CCDC138: variants seen among roughly 807,000 people sequenced by gnomAD.
CCDC138 encodes coiled-coil domain containing 138, also known as coiled-coil domain-containing protein 138.
CCDC138 carries 66 observed loss-of-function variants against 82.3 expected under a neutral mutation model. The ratio of observed to expected loss-of-function variants is 0.80; its 90% CI spans 0.66 to 0.98. CCDC138 has a LOEUF of 0.98. Ranked by LOEUF, CCDC138 falls within the 50% of genes least tolerant of loss-of-function variation. The pLI, the probability that CCDC138 is intolerant of heterozygous loss-of-function variation, is 0.00. For missense variants in CCDC138, 816 were observed against 758.9 expected (o/e 1.08, Z -0.88); for synonymous variants, 297 against 265.4 (o/e 1.12, Z -1.16).
chr2:108,858,569 G>A (rs1002098770), intron 13 of CCDC138, among the ~76,000 whole-genome samples: 4 of 152,094 alleles, frequency 2.6e-5, no homozygotes, highest in African/African-American at 7.2e-5. Context: ...CAGCCAGTAC[G>A]ATTTATTAGA....
chr2:108,828,970 T>A (rs200143423), intron 10 of CCDC138, among the ~76,000 whole-genome samples: 1 of 151,890 alleles, frequency 6.6e-6, no homozygotes, highest in East Asian at 1.9e-4. Context: ...AGTGTGAGAC[T>A]CCCTCTCAAA....
intron 12 of CCDC138, among the ~76,000 whole-genome samples, chr2:108,853,983 A>AAAT (rs1692106002): frequency 2.1e-4 from 2 of 9,442 alleles, no homozygotes; most frequent in African/African-American, 3.6e-4. Context: ...TATAATATAT[A>AAAT]ATATATAATA....
At chr2:108,854,111 A>G (rs114034642) in intron 12 of CCDC138, among the ~76,000 whole-genome samples, 1,635 of 135,174 alleles carry the variant, frequency 0.012, 33 homozygotes, top group African/African-American at 0.043. Flanking sequence ...TAATAAATAT[A>G]TATAATATAT....
intron 10 of CCDC138, among the ~76,000 whole-genome samples, chr2:108,832,981 C>G (rs1375800589): frequency 6.6e-6 from 1 of 152,134 alleles, no homozygotes; most frequent in African/African-American, 2.4e-5. Flanking sequence ...ATGGAGACAC[C>G]TTAAATGCAC....
chr2:108,823,122 C>G (rs1203834505), intron 10 of CCDC138, among the ~76,000 whole-genome samples: 3 of 152,110 alleles, frequency 2.0e-5, no homozygotes, highest in East Asian at 3.8e-4. Flanking sequence ...TCTGAAAAGT[C>G]CAATGATTAG....
intron 12 of CCDC138, among the ~76,000 whole-genome samples, chr2:108,850,385 A>G (rs1476282786): frequency 2.6e-5 from 4 of 152,172 alleles, no homozygotes; most frequent in Admixed American, 2.0e-4. Context: ...GATAATACCT[A>G]GTTATATTGA....
intron 5 of CCDC138, among the ~76,000 whole-genome samples, chr2:108,796,903 A>T (rs1302801678): frequency 6.6e-6 from 1 of 152,236 alleles, no homozygotes; most frequent in Non-Finnish European, 1.5e-5. Flanking sequence ...AGTATTTACT[A>T]GTACAATAGG....
chr2:108,805,451 C>T (rs948644915), intron 7 of CCDC138, among the ~76,000 whole-genome samples: 6 of 152,170 alleles, frequency 3.9e-5, no homozygotes, highest in Admixed American at 1.3e-4. Flanking sequence ...GCAGGCCAGG[C>T]GCGGTGGCTC....
intron 2 of CCDC138, chr2:108,882,934 G>A (rs1011531094): frequency 4.6e-5 from 7 of 151,886 alleles, no homozygotes; most frequent in African/African-American, 1.7e-4. Flanking sequence ...TTATATAGGA[G>A]CATCGAGATT....
At chr2:108,805,919 G>T (rs1387261560) in intron 7 of CCDC138, among the ~76,000 whole-genome samples, 1 of 152,094 alleles carries the variant, frequency 6.6e-6, no homozygotes, top group Non-Finnish European at 1.5e-5. Context: ...AGTAGATGTT[G>T]GAGCAGAAAT....
intron 11 of CCDC138, among the ~76,000 whole-genome samples, chr2:108,839,869 T>C (rs1689174029): frequency 1.3e-5 from 2 of 152,138 alleles, no homozygotes; most frequent in South Asian, 4.1e-4. Context: ...TTCCTTTTCC[T>C]ACCTTATTGC....
chr2:108,809,368 T>C (rs915094743), intron 7 of CCDC138, among the ~76,000 whole-genome samples: 1 of 152,154 alleles, frequency 6.6e-6, no homozygotes, highest in Admixed American at 6.6e-5. Context: ...GTTGGTATTT[T>C]AATAAACATT....
Position 108,791,761 on chromosome 2 carries a change from C to T in CCDC138, c.353C>T (p.Thr118Ile), listed in dbSNP as rs1670383198. Residue 118 changes from threonine (T) to isoleucine (I), a missense_variant, in exon 4 of 15, where the codon ACC becomes ATC. Thr to Ile is a moderately conservative substitution (Grantham distance 89, BLOSUM62 -1). Transcript: ENST00000295124. ...ATTGAAAATGATTATAGAGTTAGTA[C>T]CTCGAAAATAACCAAGCAGTCTTTT... is the stretch of plus-strand genomic sequence containing the variant. ...ELIENDYRVSTSKITKQSFKE... is the reference protein window; with the variant it reads ...ELIENDYRVSISKITKQSFKE... 1 of 1,600,396 alleles carries T rather than the reference C, an allele frequency of 6.2e-7. No individual in the cohort carries two copies. Among genetic ancestry groups the T allele is most frequent in the Non-Finnish European group, 8.5e-7 (1 of 1,171,966 alleles).
chr2:108,852,536 TGTG>T (rs1691681178), intron 12 of CCDC138, among the ~76,000 whole-genome samples: 1 of 152,100 alleles, frequency 6.6e-6, no homozygotes, highest in Admixed American at 6.6e-5. Flanking sequence ...ATAAAGAAAA[TGTG>T]GTACATATAC....
At chr2:108,792,427 G>C (rs1159117508) in intron 4 of CCDC138, among the ~76,000 whole-genome samples, 3 of 152,170 alleles carry the variant, frequency 2.0e-5, no homozygotes, top group South Asian at 2.1e-4. Context: ...GAAAACATGG[G>C]ATAAGGTATA....
chr2:108,788,401 CAA>C (rs2149376372), intron 2 of CCDC138, among the ~76,000 whole-genome samples: 1 of 142,402 alleles, frequency 7.0e-6, no homozygotes, highest in African/African-American at 2.6e-5. Flanking sequence ...GCCTGGGCAA[CAA>C]GAGCGAAACT....
intron 7 of CCDC138, among the ~76,000 whole-genome samples, chr2:108,806,997 A>G (rs1682986853): frequency 1.3e-5 from 2 of 152,194 alleles, no homozygotes; most frequent in Non-Finnish European, 2.9e-5. Flanking sequence ...GGCCTTGATT[A>G]AGTGCAGTTC....
At chr2:108,792,940 T>C (rs554313387) in intron 4 of CCDC138, among the ~76,000 whole-genome samples, 1 of 150,776 alleles carries the variant, frequency 6.6e-6, no homozygotes, top group East Asian at 2.0e-4. Context: ...AGCACGTGCC[T>C]GTAGTCCCAG....
intron 5 of CCDC138, among the ~76,000 whole-genome samples, chr2:108,796,829 G>C (rs1010113720): frequency 6.6e-6 from 1 of 152,152 alleles, no homozygotes; most frequent in African/African-American, 2.4e-5. Flanking sequence ...GAGGGGAAGG[G>C]TAGCAGGGGT....
Sources: gnomAD v4.1 joint callset for allele counts (sites outside exome capture counted in the v4.1 genomes callset) on GRCh38, gnomAD v4.1.1 for gene constraint, MANE v1.5 for transcripts, NCBI Gene and HGNC (gene_info 2026-07-23, HGNC 2026-07-21) for gene names.